The following PTPRD variants were observed in gnomAD, a reference collection of about 807,000 sequenced individuals.
PTPRD encodes protein tyrosine phosphatase receptor type D.
A neutral mutation model predicts 214.5 loss-of-function variants in PTPRD; 34 were observed. The ratio of observed to expected loss-of-function variants is 0.16; its 90% CI spans 0.12 to 0.21. The LOEUF (loss-of-function observed/expected upper bound fraction) is 0.21, where lower values mean the gene tolerates loss of function less well. Ranked by LOEUF, PTPRD falls within the 10% of genes least tolerant of loss-of-function variation. The pLI, the probability that PTPRD is intolerant of heterozygous loss-of-function variation, is 1.00. For synonymous variants in PTPRD, 1,128 were observed against 845.7 expected (o/e 1.33, Z -5.79); for missense variants, 2,545 against 2,398.7 (o/e 1.06, Z -1.27).
At chr9:9,477,778 G>C (rs768265887) in intron 8 of PTPRD, among the ~76,000 whole-genome samples, 5 of 152,078 alleles carry the variant, frequency 3.3e-5, no homozygotes, top group Non-Finnish European at 7.4e-5. Context: ...CTATGCAAAG[G>C]ATGCTATTAG....
At chr9:10,332,673 T>A (rs2096773081) in intron 3 of PTPRD, among the ~76,000 whole-genome samples, 1 of 151,828 alleles carries the variant, frequency 6.6e-6, no homozygotes. Context: ...CCTCACTTTA[T>A]GAATGAGAAA....
chr9:9,789,132 A>C (rs1295779164), intron 5 of PTPRD, among the ~76,000 whole-genome samples: 3 of 152,202 alleles, frequency 2.0e-5, no homozygotes, highest in Non-Finnish European at 4.4e-5. Context: ...TATTTATTGT[A>C]GTCTACTTTG....
chr9:8,554,984 A>G (rs894251350), intron 14 of PTPRD, among the ~76,000 whole-genome samples: 1 of 143,912 alleles, frequency 6.9e-6, no homozygotes, highest in Non-Finnish European at 1.5e-5. Flanking sequence ...TTATGTATAT[A>G]TACACTATAT....
chr9:8,773,667 A>C (rs2095335594), intron 11 of PTPRD, among the ~76,000 whole-genome samples: 1 of 152,238 alleles, frequency 6.6e-6, no homozygotes, highest in South Asian at 2.1e-4. Flanking sequence ...TCCCATCATT[A>C]AAATAAATTC....
Position 10,164,741 on chromosome 9 carries a change from C to T in PTPRD, c.-544-130951G>A, listed in dbSNP as rs1183997997. Among the ~76,000 whole-genome samples the T allele has an allele frequency of 2.0e-5, 3 of 151,410 alleles. No homozygotes were observed. In the East Asian group the frequency reaches 5.8e-4, roughly 29 times the overall value. Reference sequence around the variant, plus strand: ...AGTATATTTTATTCAAATATATATACACACATACATCCAGGTTTGATGAGT... The same window carrying T: ...AGTATATTTTATTCAAATATATATATACACATACATCCAGGTTTGATGAGT... On this transcript the variant is annotated intron_variant, in intron 3 of 45. Transcript: ENST00000381196.
chr9:9,648,162 C>G (rs369067775), intron 7 of PTPRD, among the ~76,000 whole-genome samples: 1 of 151,742 alleles, frequency 6.6e-6, no homozygotes, highest in African/African-American at 2.4e-5. Context: ...TGTACTTATA[C>G]TCAGAAATCA....
intron 8 of PTPRD, among the ~76,000 whole-genome samples, chr9:9,411,987 A>AG (rs1266667699): frequency 6.6e-6 from 1 of 152,210 alleles, no homozygotes; most frequent in Non-Finnish European, 1.5e-5. Flanking sequence ...GAAGGATGCC[A>AG]GGGCCACATA....
Position 8,500,576 on chromosome 9 carries a change from A to G in PTPRD, c.2128+178T>C, listed in dbSNP as rs1191781220. Among the ~76,000 whole-genome samples the G allele has an allele frequency of 4.1e-5, 6 of 145,752 alleles. No individual in the cohort carries two copies. In the East Asian group the frequency reaches 9.9e-4, roughly 24 times the overall value. Reference sequence around the variant, plus strand: ...AAAAAATGAAAAAAAAAAAAAAAAAAAAAAAAAAAAAAAAGGCCAGGCTGT... The same window carrying G: ...AAAAAATGAAAAAAAAAAAAAAAAAGAAAAAAAAAAAAAAGGCCAGGCTGT... On this transcript the variant is annotated intron_variant, in intron 24 of 45. Transcript: ENST00000381196.
chr9:10,216,737 T>C (rs925668020), intron 3 of PTPRD, among the ~76,000 whole-genome samples: 2 of 152,040 alleles, frequency 1.3e-5, no homozygotes, highest in Non-Finnish European at 2.9e-5. Flanking sequence ...ACGGAATAAA[T>C]TCACTTCAAC....
chr9:10,012,754 C>T (rs763601100), intron 4 of PTPRD, among the ~76,000 whole-genome samples: 11 of 151,778 alleles, frequency 7.2e-5, no homozygotes, highest in Admixed American at 1.3e-4. Flanking sequence ...AGGAAAACCC[C>T]GAGTGTGTTC....
intron 2 of PTPRD, among the ~76,000 whole-genome samples, chr9:10,494,715 T>G (rs567002136): frequency 6.6e-6 from 1 of 151,332 alleles, no homozygotes; most frequent in Admixed American, 6.6e-5. Flanking sequence ...ATGTAAGATG[T>G]TATTTAATAT....
intron 14 of PTPRD, among the ~76,000 whole-genome samples, chr9:8,593,036 G>A (rs1291609022): frequency 1.3e-5 from 2 of 152,158 alleles, no homozygotes; most frequent in Non-Finnish European, 2.9e-5. Flanking sequence ...GGAAGAAATA[G>A]GGGAACAGCA....
At chr9:9,661,616 C>T in intron 7 of PTPRD, among the ~76,000 whole-genome samples, 1 of 151,830 alleles carries the variant, frequency 6.6e-6, no homozygotes, top group Non-Finnish European at 1.5e-5. Flanking sequence ...CTGCAAGCTT[C>T]ATAAAAACAA....
intron 11 of PTPRD, among the ~76,000 whole-genome samples, chr9:8,836,786 T>G (rs559642438): frequency 6.6e-6 from 1 of 151,408 alleles, no homozygotes; most frequent in African/African-American, 2.4e-5. Flanking sequence ...TTATTAGAGA[T>G]GGGGTTTCAC....
intron 11 of PTPRD, among the ~76,000 whole-genome samples, chr9:8,748,096 T>G (rs1441455226): frequency 1.3e-5 from 2 of 152,174 alleles, no homozygotes; most frequent in Non-Finnish European, 2.9e-5. Flanking sequence ...AAATCTCAAC[T>G]GCACAACAAC....
intron 8 of PTPRD, among the ~76,000 whole-genome samples, chr9:9,486,178 A>AAAAAAC (rs2095626504): frequency 7.2e-6 from 1 of 139,550 alleles, no homozygotes; most frequent in Non-Finnish European, 1.6e-5. Context: ...AAAAAAAAAA[A>AAAAAAC]AAAAAAAGCC....
intron 7 of PTPRD, among the ~76,000 whole-genome samples, chr9:9,733,746 G>A (rs1220246653): frequency 6.6e-6 from 1 of 151,962 alleles, no homozygotes; most frequent in East Asian, 1.9e-4. Flanking sequence ...GGGACATCCA[G>A]TCTACACACG....
At chr9:10,017,562 G>A (rs1439821164) in intron 4 of PTPRD, among the ~76,000 whole-genome samples, 1 of 151,994 alleles carries the variant, frequency 6.6e-6, no homozygotes, top group East Asian at 1.9e-4. Flanking sequence ...TGGAAGCCTT[G>A]TTTTCAGGTT....
chr9:8,987,374 G>A (rs1402309004), intron 11 of PTPRD, among the ~76,000 whole-genome samples: 3 of 152,070 alleles, frequency 2.0e-5, no homozygotes, highest in African/African-American at 4.8e-5. Context: ...GCAGGAGCAT[G>A]CGTTGCAGTA....
Sources: gnomAD v4.1 joint callset for allele counts (sites outside exome capture counted in the v4.1 genomes callset) on GRCh38, gnomAD v4.1.1 for gene constraint, MANE v1.5 for transcripts, NCBI Gene and HGNC (gene_info 2026-07-23, HGNC 2026-07-21) for gene names.